ATP8B1: variants seen among roughly 807,000 people sequenced by gnomAD.
The protein encoded by ATP8B1 is phospholipid-transporting ATPase IC.
In ATP8B1, 80 loss-of-function variants were observed where a neutral mutation model predicts 149.9. That is an observed-to-expected ratio of 0.53 (90% CI 0.45 to 0.64). The LOEUF (loss-of-function observed/expected upper bound fraction) is 0.64. Among genes scored for constraint, ATP8B1 ranks in the 30% least tolerant of loss-of-function variants. The pLI, the probability that ATP8B1 is intolerant of heterozygous loss-of-function variation, is 0.00. For synonymous variants in ATP8B1, 536 were observed against 562.8 expected (o/e 0.95, Z 0.67); for missense variants, 1,247 against 1,552.6 (o/e 0.80, Z 3.31).
chr18:57,729,255 A>C (rs773631082), intron 2 of ATP8B1, among the ~76,000 whole-genome samples: 1 of 152,162 alleles, frequency 6.6e-6, no homozygotes, highest in Non-Finnish European at 1.5e-5. Context: ...GCCACCAAGC[A>C]CCAAGAGCAA....
chr18:57,681,970 A>C (rs1262153731), intron 15 of ATP8B1, among the ~76,000 whole-genome samples: 2 of 151,842 alleles, frequency 1.3e-5, no homozygotes, highest in African/African-American at 2.4e-5. Flanking sequence ...CAGTGGACAA[A>C]GAGCTGCGGT....
chr18:57,749,121 T>C (rs2079992648), intron 1 of ATP8B1, among the ~76,000 whole-genome samples: 1 of 152,214 alleles, frequency 6.6e-6, no homozygotes, highest in Non-Finnish European at 1.5e-5. Context: ...TTCTAGAACT[T>C]TTTTCTGCTG....
rs1909299817 is a variant in ATP8B1, at chr18:57,648,130, GT to G, written c.*357del. 7.9e-6 allele frequency: 3 copies of G among 381,466 alleles called. No individual in the cohort carries two copies. The highest frequency in any genetic ancestry group is 6.7e-5 in the South Asian group (3 of 44,668). 23.6% of individuals were successfully genotyped at this position (381,466 alleles called of 1,614,324 possible). ...GCTTCTCAAATAGGTGGGATTACGGGTGCCCACCACCAAGCCCGGCTAATTT... is the reference window on the plus strand; with the variant it reads ...GCTTCTCAAATAGGTGGGATTACGGGGCCCACCACCAAGCCCGGCTAATTT... On this transcript the variant is annotated 3_prime_UTR_variant, in exon 28 of 28. Transcript: ENST00000648908.
In ATP8B1 at chr18:57,667,088, T is replaced by TCA; in HGVS notation, c.2285+2_2285+3dup. ...GTAATTTCATACTGCAGGCTTTTAC[T>TCA]CACTTAATATCCTCCCCATAGCAGA... On this transcript the variant is annotated splice_donor_region_variant and intron_variant, in intron 20 of 27. Transcript: ENST00000648908. The TCA allele has an allele frequency of 6.2e-7, 1 of 1,606,912 alleles. No homozygotes were observed.
At chr18:57,726,006 G>T (rs2079703037) in intron 2 of ATP8B1, among the ~76,000 whole-genome samples, 1 of 152,156 alleles carries the variant, frequency 6.6e-6, no homozygotes. Flanking sequence ...AAGGTGGGTG[G>T]ATCACAAGGT....
intron 20 of ATP8B1, among the ~76,000 whole-genome samples, chr18:57,664,024 C>G (rs1910695199): frequency 6.6e-6 from 1 of 150,936 alleles, no homozygotes; most frequent in Non-Finnish European, 1.5e-5. Flanking sequence ...CTCAGCCCCC[C>G]ACAGTGCTGG....
intron 13 of ATP8B1, among the ~76,000 whole-genome samples, chr18:57,686,867 A>G (rs1305478254): frequency 1.3e-5 from 2 of 152,106 alleles, no homozygotes; most frequent in Non-Finnish European, 2.9e-5. Flanking sequence ...ATTTTGAGAC[A>G]GGGTCTTGCT....
At position 57,789,859 on chromosome 18, in the gene ATP8B1, A is replaced by G. The variant is rs183115949; in HGVS notation, c.-26+13139T>C. Among the ~76,000 whole-genome samples the G allele has an allele frequency of 9.2e-5, 14 of 152,322 alleles. No homozygotes were observed. The East Asian group carries it at 1.9e-3, about 21-fold the overall frequency. On this transcript the variant is annotated intron_variant, in intron 1 of 27. Transcript: ENST00000648908. ...TAAAAGGCTGATACCAATGATAGGA[A>G]GCACTGGCTTCCGAAGCGTTTCCAG...
At chr18:57,713,031 T>C (rs889774876) in intron 2 of ATP8B1, among the ~76,000 whole-genome samples, 2 of 152,068 alleles carry the variant, frequency 1.3e-5, no homozygotes, top group African/African-American at 2.4e-5. Context: ...TAATTGAGGC[T>C]AAGATATTCT....
rs1255865836 is a variant in ATP8B1 at position 57,688,493 on chromosome 18, C to T, written c.1235G>A (p.Arg412His). ...ISLYVSVEVI[R>H]LGQSHFINWD... is the part of the protein sequence containing the mutation. The stretch of plus-strand genomic sequence containing the variant: ...GTTGATGAAGTGACTCTGTCCAAGA[C>T]GAATCACTTCCACGCTAGGAAGACA... The change falls in exon 13 of 28, where the codon CGT becomes CAT. Residue 412 changes from arginine to histidine, a missense_variant. Around this residue, in one of 3 missense-constraint regions of ATP8B1, gnomAD observed 853 missense variants for 1,035.7 expected, o/e 0.82. Transcript: ENST00000648908. 6.8e-6 allele frequency: 11 copies of T among 1,614,000 alleles called. No homozygotes were observed. Among genetic ancestry groups the T allele is most frequent in the Admixed American group, 1.7e-5 (1 of 59,988 alleles).
rs113517650 is a variant in ATP8B1 at position 57,670,571 on chromosome 18, C to T, written c.1932+897G>A. Reference sequence around the variant, plus strand: ...TTCACCATGTTGGCCAGGATGGTCTCGATCTGTTAACCTCGTGATCTGCCA... The same window carrying T: ...TTCACCATGTTGGCCAGGATGGTCTTGATCTGTTAACCTCGTGATCTGCCA... On this transcript the variant is annotated intron_variant, in intron 17 of 27. Transcript: ENST00000648908. 4.6e-3 allele frequency among the ~76,000 whole-genome samples: 688 copies of T among 150,482 alleles called. 6 individuals carry two copies. The highest frequency in any genetic ancestry group is 0.016 in the African/African-American group (652 of 40,972).
chr18:57,721,282 A>G (rs886466242), intron 2 of ATP8B1, among the ~76,000 whole-genome samples: 5 of 149,678 alleles, frequency 3.3e-5, no homozygotes, highest in African/African-American at 1.2e-4. Flanking sequence ...AAATTCTCCA[A>G]TTAAAAGACA....
At chr18:57,661,976 C>T (rs1185376906) in intron 21 of ATP8B1, among the ~76,000 whole-genome samples, 2 of 152,100 alleles carry the variant, frequency 1.3e-5, no homozygotes, top group African/African-American at 4.8e-5. Flanking sequence ...CCTTGGCCTC[C>T]CAAAGTGCTG....
intron 22 of ATP8B1, among the ~76,000 whole-genome samples, chr18:57,657,475 G>A (rs898569660): frequency 3.3e-5 from 5 of 152,120 alleles, no homozygotes; most frequent in Non-Finnish European, 5.9e-5. Context: ...ATGCTGCGGC[G>A]TTCCAACTAA....
chr18:57,785,505 C>T (rs1298461053), intron 1 of ATP8B1, among the ~76,000 whole-genome samples: 2 of 152,038 alleles, frequency 1.3e-5, no homozygotes, highest in Non-Finnish European at 1.5e-5. Flanking sequence ...TGTTTTGTCT[C>T]GTTCTGTTTT....
chr18:57,745,076 C>T (rs2079952397), intron 1 of ATP8B1, among the ~76,000 whole-genome samples: 1 of 152,210 alleles, frequency 6.6e-6, no homozygotes, highest in African/African-American at 2.4e-5. Flanking sequence ...TCAGTTGACA[C>T]TATTCAATGT....
intron 22 of ATP8B1, among the ~76,000 whole-genome samples, chr18:57,657,292 A>G (rs1281005812): frequency 6.6e-6 from 1 of 152,180 alleles, no homozygotes; most frequent in Non-Finnish European, 1.5e-5. Flanking sequence ...ATAAAATTAA[A>G]GTCACAATTT....
intron 1 of ATP8B1, among the ~76,000 whole-genome samples, chr18:57,794,901 C>T (rs931590490): frequency 6.6e-6 from 1 of 152,178 alleles, no homozygotes; most frequent in African/African-American, 2.4e-5. Context: ...CAGGTGTCTT[C>T]AACAACACCC....
intron 1 of ATP8B1, among the ~76,000 whole-genome samples, chr18:57,782,193 C>G (rs1469423070): frequency 2.6e-5 from 4 of 152,130 alleles, no homozygotes; most frequent in Non-Finnish European, 4.4e-5. Flanking sequence ...GCAAAGAAGC[C>G]CTGCTGTCTA....
Sources: gnomAD v4.1 joint callset for allele counts (sites outside exome capture counted in the v4.1 genomes callset) on GRCh38, gnomAD v4.1.1 for gene constraint, gnomAD v4.1.1 regional missense constraint, MANE v1.5 for transcripts, NCBI Gene and HGNC (gene_info 2026-07-23, HGNC 2026-07-21) for gene names.